The following AUH variants were observed in gnomAD, a reference collection of about 807,000 sequenced individuals.
AUH encodes the protein AU RNA binding methylglutaconyl-CoA hydratase.
A neutral mutation model predicts 42.3 loss-of-function variants in AUH; 29 were observed. The ratio of observed to expected loss-of-function variants is 0.69; its 90% CI spans 0.51 to 0.93. The LOEUF is 0.93. Ranked by LOEUF, AUH falls within the 40% of genes least tolerant of loss-of-function variation. The pLI is 0.00. For missense variants in AUH, 452 were observed against 438.1 expected (o/e 1.03, Z -0.28); for synonymous variants, 174 against 166.4 (o/e 1.05, Z -0.35).
intron 3 of AUH, among the ~76,000 whole-genome samples, chr9:91,333,534 A>G (rs1255753960): frequency 1.3e-5 from 2 of 152,242 alleles, no homozygotes; most frequent in Non-Finnish European, 2.9e-5. Flanking sequence ...TTTATTAGAC[A>G]TGCATCACAA....
chr9:91,251,298 C>T (rs1269782490), intron 6 of AUH, among the ~76,000 whole-genome samples: 1 of 152,130 alleles, frequency 6.6e-6, no homozygotes, highest in African/African-American at 2.4e-5. Context: ...AAAATGAGCT[C>T]TTCTCTCCTA....
chr9:91,361,904 G>C lies in AUH; in HGVS notation c.-15C>G, dbSNP rs1427970931. The C allele has an allele frequency of 2.8e-6, 4 of 1,410,942 alleles. No homozygotes were observed. Among genetic ancestry groups the C allele is most frequent in the Admixed American group, 2.9e-5 (1 of 34,384 alleles). The allele number at this position is 1,410,942 out of a possible 1,614,324, so 87.4% of individuals were successfully genotyped here. ...GCGGCCGCCATGTTGTCTGTTTACG[G>C]CGTGGACCTGCGACGGCCGCTCCGC... is the stretch of plus-strand genomic sequence containing the variant. On this transcript the variant is annotated 5_prime_UTR_variant, in exon 1 of 10. Transcript: ENST00000375731.
chr9:91,327,971 C>A (rs1043887296), intron 3 of AUH, among the ~76,000 whole-genome samples: 1 of 152,146 alleles, frequency 6.6e-6, no homozygotes, highest in East Asian at 1.9e-4. Flanking sequence ...GCAGCAGGCA[C>A]GGGATTCAAG....
intron 6 of AUH, among the ~76,000 whole-genome samples, chr9:91,283,429 C>CA (rs1826136537): frequency 6.6e-6 from 1 of 152,118 alleles, no homozygotes; most frequent in African/African-American, 2.4e-5. Flanking sequence ...TCTCACCACT[C>CA]CTATTCAACA....
intron 4 of AUH, among the ~76,000 whole-genome samples, chr9:91,303,011 G>A (rs1339316270): frequency 3.3e-5 from 5 of 152,182 alleles, no homozygotes; most frequent in Middle Eastern, 3.4e-3. Context: ...TTTCAGTTTC[G>A]TACCAGGAAA....
At chr9:91,334,964 C>T (rs1564112632) in intron 3 of AUH, among the ~76,000 whole-genome samples, 1 of 152,148 alleles carries the variant, frequency 6.6e-6, no homozygotes, top group Non-Finnish European at 1.5e-5. Flanking sequence ...GCAAGCAAAT[C>T]TGGATAAAGC....
intron 4 of AUH, among the ~76,000 whole-genome samples, chr9:91,304,410 T>C (rs1828050729): frequency 6.6e-6 from 1 of 152,132 alleles, no homozygotes. Flanking sequence ...GTGGGCAACA[T>C]GGAATAGGGT....
At chr9:91,281,266 A>G (rs911066072) in intron 6 of AUH, among the ~76,000 whole-genome samples, 5 of 152,148 alleles carry the variant, frequency 3.3e-5, no homozygotes, top group Admixed American at 2.6e-4. Context: ...CTATCTTCAG[A>G]TTCACTCACT....
chr9:91,313,068 GC>G (rs939345721), intron 4 of AUH, among the ~76,000 whole-genome samples: 16 of 142,518 alleles, frequency 1.1e-4, no homozygotes, highest in African/African-American at 4.2e-4. Context: ...ATCAGGCTTT[GC>G]GGGGGGGGTT....
intron 6 of AUH, among the ~76,000 whole-genome samples, chr9:91,252,393 T>G (rs1829182370): frequency 6.6e-6 from 1 of 152,150 alleles, no homozygotes; most frequent in South Asian, 2.1e-4. Context: ...GTGACACATA[T>G]CTAGTTCTTA....
chr9:91,290,105 C>T (rs907854531), intron 6 of AUH, among the ~76,000 whole-genome samples: 2 of 152,148 alleles, frequency 1.3e-5, no homozygotes, highest in Non-Finnish European at 2.9e-5. Context: ...AACTAAAATA[C>T]ATTCCTCAAA....
At chr9:91,231,868 AG>A (rs1324963386) in intron 6 of AUH, among the ~76,000 whole-genome samples, 6 of 152,218 alleles carry the variant, frequency 3.9e-5, no homozygotes, top group Non-Finnish European at 8.8e-5. Flanking sequence ...GATACTCCAT[AG>A]TACTACAGAG....
At chr9:91,234,965 A>G (rs575697625) in intron 6 of AUH, among the ~76,000 whole-genome samples, 1 of 151,690 alleles carries the variant, frequency 6.6e-6, no homozygotes, top group African/African-American at 2.4e-5. Flanking sequence ...CCCAGTGATG[A>G]GCTCAGCTGG....
At chr9:91,221,612 G>C (rs1389186099) in intron 6 of AUH, among the ~76,000 whole-genome samples, 1 of 152,122 alleles carries the variant, frequency 6.6e-6, no homozygotes, top group Non-Finnish European at 1.5e-5. Context: ...TTTCCAGCTG[G>C]TGAGGAAAAT....
At position 91,234,849 on chromosome 9, in the gene AUH, A is replaced by T. The variant is rs190020242; in HGVS notation, c.656-13857T>A. On this transcript the variant is annotated intron_variant, in intron 6 of 9. Transcript: ENST00000375731. ...AGGGAAGAGAGTTCTGAGACAGCAC[A>T]CTAGATGACTAATTTAGATTGGGTG... Among the ~76,000 whole-genome samples the T allele has an allele frequency of 1.0e-4, 15 of 148,008 alleles. No homozygotes were observed. In the East Asian group the frequency reaches 2.0e-3, roughly 20 times the overall value.
chr9:91,350,404 T>G (rs1485999104), intron 3 of AUH, among the ~76,000 whole-genome samples: 1 of 152,220 alleles, frequency 6.6e-6, no homozygotes, highest in Non-Finnish European at 1.5e-5. Flanking sequence ...AGGGATTCTA[T>G]AAAATTAAAG....
chr9:91,241,225 T>C (rs1343369872), intron 6 of AUH, among the ~76,000 whole-genome samples: 1 of 152,138 alleles, frequency 6.6e-6, no homozygotes, highest in South Asian at 2.1e-4. Flanking sequence ...GGGGATCCAA[T>C]GGACTCTTCT....
intron 3 of AUH, among the ~76,000 whole-genome samples, chr9:91,355,230 G>A (rs7026780): frequency 0.02 from 3,012 of 152,260 alleles, 102 homozygotes; most frequent in African/African-American, 0.068. Context: ...AAGCCACAGA[G>A]ATTGAAGCTT....
intron 6 of AUH, among the ~76,000 whole-genome samples, chr9:91,239,743 ACG>A (rs1414779315): frequency 1.6e-4 from 21 of 131,594 alleles, no homozygotes; most frequent in Admixed American, 1.6e-3. Context: ...GAAAACACAC[ACG>A]CACACACACA....
Sources: gnomAD v4.1 joint callset for allele counts (sites outside exome capture counted in the v4.1 genomes callset) on GRCh38, gnomAD v4.1.1 for gene constraint, MANE v1.5 for transcripts, NCBI Gene and HGNC (gene_info 2026-07-23, HGNC 2026-07-21) for gene names.